The following FGGY variants were observed in gnomAD, a reference collection of about 807,000 sequenced individuals.
The protein encoded by FGGY is FGGY carbohydrate kinase domain containing, also known as FGGY carbohydrate kinase domain-containing protein.
Under a neutral mutation model 71.3 loss-of-function variants are expected in FGGY, and 72 were observed. The ratio of observed to expected loss-of-function variants is 1.01; its 90% confidence interval spans 0.84 to 1.23. The LOEUF (loss-of-function observed/expected upper bound fraction) is 1.23, where lower values mean the gene tolerates loss of function less well. Among genes scored for constraint, FGGY ranks in the 50% most tolerant of loss-of-function variants. The pLI is 0.00. For missense variants in FGGY, 668 were observed against 682.3 expected (o/e 0.98, Z 0.23); for synonymous variants, 251 against 250.3 (o/e 1.00, Z -0.02).
At chr1:59,488,761 A>G (rs1359278577) in intron 6 of FGGY, among the ~76,000 whole-genome samples, 1 of 151,636 alleles carries the variant, frequency 6.6e-6, no homozygotes, top group African/African-American at 2.4e-5. Flanking sequence ...ATTTTGTTGT[A>G]TTTGTATACA....
intron 5 of FGGY, among the ~76,000 whole-genome samples, chr1:59,423,900 CA>C (rs1557876500): frequency 6.6e-6 from 1 of 152,230 alleles, no homozygotes; most frequent in Non-Finnish European, 1.5e-5. Flanking sequence ...TCTTTCTTAG[CA>C]CAACTCTACC....
At chr1:59,489,075 G>A (rs2093743853) in intron 6 of FGGY, among the ~76,000 whole-genome samples, 1 of 151,958 alleles carries the variant, frequency 6.6e-6, no homozygotes, top group African/African-American at 2.4e-5. Flanking sequence ...ATATTTGGAG[G>A]TTATTTTTAA....
At chr1:59,468,103 A>G (rs2092741264) in intron 6 of FGGY, among the ~76,000 whole-genome samples, 1 of 151,922 alleles carries the variant, frequency 6.6e-6, no homozygotes, top group African/African-American at 2.4e-5. Flanking sequence ...GGGTTGCTCT[A>G]TGTTGGTCAG....
In FGGY at chr1:59,457,070, A is replaced by T; in HGVS notation, c.664A>T (p.Lys222Ter). Residue 222 changes from lysine to a stop codon, truncating the protein, a stop_gained, in exon 6 of 16, where the codon AAA becomes TAA. Coordinates refer to ENST00000303721, the MANE Select transcript of FGGY (RefSeq NM_018291.5). LOFTEE classifies it high-confidence loss of function. ...LEDFVADNYS[K>*]IGNQVLPPGA... ...AGACTTTGTTGCAGATAATTACAGC[A>T]AAATAGGTAAAAGAATAAAACATCT... 1 of 1,605,312 alleles carries T rather than the reference A, an allele frequency of 6.2e-7. No homozygotes were observed. Among genetic ancestry groups the T allele is most frequent in the Middle Eastern group, 1.7e-4 (1 of 6,050 alleles).
intron 11 of FGGY, among the ~76,000 whole-genome samples, chr1:59,639,314 A>G (rs906559893): frequency 6.6e-6 from 1 of 152,238 alleles, no homozygotes; most frequent in African/African-American, 2.4e-5. Flanking sequence ...TTATGATGCC[A>G]GCAGGAAGAC....
intron 5 of FGGY, among the ~76,000 whole-genome samples, chr1:59,443,471 A>T (rs2070452074): frequency 6.6e-6 from 1 of 152,128 alleles, no homozygotes; most frequent in African/African-American, 2.4e-5. Context: ...GTGGCTTTAG[A>T]ATAGCTTTGC....
intron 5 of FGGY, among the ~76,000 whole-genome samples, chr1:59,404,953 T>C (rs989169550): frequency 1.3e-5 from 2 of 152,216 alleles, no homozygotes; most frequent in Admixed American, 1.3e-4. Context: ...TTCAGCTGAC[T>C]TAAATGCAAC....
At chr1:59,614,040 C>G (rs542014084) in intron 9 of FGGY, among the ~76,000 whole-genome samples, 1 of 152,036 alleles carries the variant, frequency 6.6e-6, no homozygotes, top group African/African-American at 2.4e-5. Flanking sequence ...CAGGACCAGA[C>G]GGATTCACAG....
intron 8 of FGGY, among the ~76,000 whole-genome samples, chr1:59,579,056 C>T (rs1281008548): frequency 6.6e-6 from 1 of 152,140 alleles, no homozygotes; most frequent in Non-Finnish European, 1.5e-5. Context: ...CAAACTTCTC[C>T]ATGAAAATAA....
At chr1:59,536,680 G>A (rs1431943890) in intron 7 of FGGY, among the ~76,000 whole-genome samples, 3 of 152,152 alleles carry the variant, frequency 2.0e-5, no homozygotes, top group Non-Finnish European at 2.9e-5. Flanking sequence ...TCATCCCTGG[G>A]ATGCAAGGCT....
intron 7 of FGGY, among the ~76,000 whole-genome samples, chr1:59,552,756 T>C (rs975949957): frequency 3.9e-5 from 6 of 152,192 alleles, no homozygotes; most frequent in African/African-American, 1.4e-4. Context: ...CCATTTAGGC[T>C]TCCATCTCCT....
chr1:59,432,338 C>A (rs1557903459), intron 5 of FGGY, among the ~76,000 whole-genome samples: 1 of 152,058 alleles, frequency 6.6e-6, no homozygotes, highest in African/African-American at 2.4e-5. Flanking sequence ...ATTATCAAAC[C>A]TGAAAAAAGG....
chr1:59,392,189 T>C (rs893730483), intron 5 of FGGY, among the ~76,000 whole-genome samples: 1 of 152,226 alleles, frequency 6.6e-6, no homozygotes, highest in Non-Finnish European at 1.5e-5. Flanking sequence ...ACTCTGTCAG[T>C]GGACTATTTT....
intron 7 of FGGY, among the ~76,000 whole-genome samples, chr1:59,517,327 G>A (rs1012854432): frequency 6.9e-6 from 1 of 145,750 alleles, no homozygotes; most frequent in Admixed American, 6.9e-5. Flanking sequence ...GTGCAGTGGC[G>A]GGATCTCGGC....
At chr1:59,727,408 A>G (rs2097961153) in intron 14 of FGGY, among the ~76,000 whole-genome samples, 1 of 152,166 alleles carries the variant, frequency 6.6e-6, no homozygotes, top group African/African-American at 2.4e-5. Flanking sequence ...ATGTATACCC[A>G]GTAATGGGAT....
At chr1:59,347,044 A>G (rs952112997) in intron 4 of FGGY, among the ~76,000 whole-genome samples, 4 of 151,520 alleles carry the variant, frequency 2.6e-5, no homozygotes, top group African/African-American at 9.7e-5. Context: ...AATCTCAGAA[A>G]AAGTGTATCT....
intron 8 of FGGY, among the ~76,000 whole-genome samples, chr1:59,586,024 G>C (rs1455965862): frequency 6.6e-6 from 1 of 152,220 alleles, no homozygotes; most frequent in African/African-American, 2.4e-5. Flanking sequence ...ATGCTGGAGA[G>C]GATGTGGAGA....
In FGGY at chr1:59,651,252, T is replaced by A. The variant is rs150213820; in HGVS notation, c.1222-8967T>A. 3.5e-3 allele frequency among the ~76,000 whole-genome samples: 539 copies of A among 152,314 alleles called. 4 individuals are homozygous for A. The highest frequency in any genetic ancestry group is 0.012 in the African/African-American group (515 of 41,556). On this transcript the variant is annotated intron_variant, in intron 11 of 15. Transcript: ENST00000303721. Reference sequence around the variant, plus strand: ...GTTGATTTGGGGGTGGAGAGTTCTGTAGAAGTCTATTAGGTCCGCTTGGTG... The same window carrying A: ...GTTGATTTGGGGGTGGAGAGTTCTGAAGAAGTCTATTAGGTCCGCTTGGTG...
chr1:59,486,351 T>C (rs985917243), intron 6 of FGGY, among the ~76,000 whole-genome samples: 1 of 152,184 alleles, frequency 6.6e-6, no homozygotes, highest in Non-Finnish European at 1.5e-5. Context: ...GCAATGCATG[T>C]TAAGTGCCCT....
Sources: allele counts gnomAD v4.1 joint callset (sites outside exome capture counted in the v4.1 genomes callset), GRCh38; gene constraint gnomAD v4.1.1; transcripts MANE v1.5; gene names NCBI Gene and HGNC (gene_info 2026-07-23, HGNC 2026-07-21).